Variants in FYN observed in about 807,000 individuals in gnomAD.
The protein encoded by FYN is tyrosine-protein kinase Fyn.
A neutral mutation model predicts 70.2 loss-of-function variants in FYN; 10 were observed. That is an observed-to-expected ratio of 0.14 (90% CI 0.09 to 0.24). The LOEUF (loss-of-function observed/expected upper bound fraction) is 0.24, where lower values mean the gene tolerates loss of function less well. FYN is among the 10% of genes least tolerant of loss of function. The pLI is 1.00. For synonymous variants in FYN, 236 were observed against 248.6 expected (o/e 0.95, Z 0.48); for missense variants, 319 against 673.1 (o/e 0.47, Z 5.82).
intron 12 of FYN, among the ~76,000 whole-genome samples, chr6:111,688,032 CA>C (rs1294624188): frequency 6.6e-6 from 1 of 151,894 alleles, no homozygotes; most frequent in Non-Finnish European, 1.5e-5. Flanking sequence ...AAAAAAAACC[CA>C]AAAAACAAAA....
At chr6:111,812,838 C>T (rs1165635879) in intron 2 of FYN, among the ~76,000 whole-genome samples, 5 of 151,808 alleles carry the variant, frequency 3.3e-5, no homozygotes, top group African/African-American at 1.2e-4. Context: ...TGAGAATTGA[C>T]TAATATCTAA....
intron 1 of FYN, among the ~76,000 whole-genome samples, chr6:111,862,003 T>C (rs973450882): frequency 4.6e-5 from 7 of 152,170 alleles, no homozygotes; most frequent in African/African-American, 1.7e-4. Flanking sequence ...ACAGCCAAAA[T>C]TGGGCTATAC....
At chr6:111,822,601 C>T (rs1772703316) in intron 2 of FYN, among the ~76,000 whole-genome samples, 1 of 151,082 alleles carries the variant, frequency 6.6e-6, no homozygotes, top group Admixed American at 6.6e-5. Context: ...GCACGTTGTG[C>T]ACATGTACCC....
chr6:111,712,564 C>T (rs893619148), intron 5 of FYN, among the ~76,000 whole-genome samples: 3 of 152,198 alleles, frequency 2.0e-5, no homozygotes, highest in Non-Finnish European at 4.4e-5. Flanking sequence ...CTGCCACCTG[C>T]CAGCTCTGTG....
chr6:111,686,708 C>T (rs754434365), intron 12 of FYN, among the ~76,000 whole-genome samples: 3 of 151,924 alleles, frequency 2.0e-5, no homozygotes, highest in Non-Finnish European at 4.4e-5. Flanking sequence ...GCACACTGTG[C>T]GGGAATGGCA....
At chr6:111,663,668 G>C (rs1797870058) in intron 13 of FYN, among the ~76,000 whole-genome samples, 1 of 152,182 alleles carries the variant, frequency 6.6e-6, no homozygotes, top group Admixed American at 6.5e-5. Context: ...TCACGTGTCA[G>C]GGCGACCCCT....
intron 4 of FYN, 51 bp downstream of exon 4, chr6:111,719,754 G>A (rs1355848454): frequency 6.3e-7 from 1 of 1,587,060 alleles, no homozygotes; most frequent in Non-Finnish European, 8.6e-7. Context: ...ATTGCCAAAA[G>A]ATTTAAGGGT....
intron 3 of FYN, among the ~76,000 whole-genome samples, chr6:111,725,197 C>T (rs1801139651): frequency 6.6e-6 from 1 of 152,168 alleles, no homozygotes; most frequent in Non-Finnish European, 1.5e-5. Context: ...TTGCTACATT[C>T]TCAGTGGAGA....
At chr6:111,775,930 C>T (rs1320014508) in intron 3 of FYN, among the ~76,000 whole-genome samples, 3 of 152,172 alleles carry the variant, frequency 2.0e-5, no homozygotes, top group African/African-American at 4.8e-5. Context: ...TTATGGCCTT[C>T]ATGACTCAGA....
At chr6:111,705,206 T>C (rs1031549530) in intron 6 of FYN, among the ~76,000 whole-genome samples, 4 of 152,182 alleles carry the variant, frequency 2.6e-5, no homozygotes, top group Non-Finnish European at 5.9e-5. Context: ...ATAGATATGA[T>C]ATGAATAAAG....
At chr6:111,728,504 C>T (rs1022572069) in intron 3 of FYN, among the ~76,000 whole-genome samples, 1 of 152,166 alleles carries the variant, frequency 6.6e-6, no homozygotes, top group Non-Finnish European at 1.5e-5. Context: ...TCGCTACCCA[C>T]TCCCTTCTCT....
rs189438304 is a variant in FYN at position 111,856,512 on chromosome 6, C to T, written c.-122-9883G>A. On this transcript the variant is annotated intron_variant, in intron 1 of 13. Transcript: ENST00000354650. ...TTACTTATGTTATTATTTTATAAAA[C>T]TCAGATAATATAAGATTTTTTAAAT... 9.1e-4 allele frequency among the ~76,000 whole-genome samples: 138 copies of T among 152,076 alleles called. 1 individual carries two copies. The highest frequency in any genetic ancestry group is 2.9e-3 in the African/African-American group (122 of 41,488).
At position 111,756,360 on chromosome 6, in the gene FYN, A is replaced by C. The variant is rs1802733828; in HGVS notation, c.-12+24206T>G. 2.0e-5 allele frequency among the ~76,000 whole-genome samples: 3 copies of C among 152,010 alleles called. No individual in the cohort carries two copies. The South Asian group carries it at 6.2e-4, about 31-fold the overall frequency. ...TAAAAAGCTTCTCATCCTTCCACCC[A>C]AAAAAATCCAAAAACCAATAAACAC... On this transcript the variant is annotated intron_variant, in intron 3 of 13. Transcript: ENST00000354650.
chr6:111,823,950 T>A (rs1772755224), intron 2 of FYN, among the ~76,000 whole-genome samples: 1 of 152,242 alleles, frequency 6.6e-6, no homozygotes, highest in African/African-American at 2.4e-5. Context: ...ATGCTATTTT[T>A]AATCAGTTCG....
chr6:111,699,802 C>T, intron 9 of FYN: 1 of 891,530 alleles, frequency 1.1e-6, no homozygotes, highest in Non-Finnish European at 1.7e-6. Flanking sequence ...AAATGAAGAG[C>T]AAGATATTTT....
At chr6:111,788,410 T>C (rs1245063745) in intron 2 of FYN, among the ~76,000 whole-genome samples, 1 of 152,196 alleles carries the variant, frequency 6.6e-6, no homozygotes, top group Non-Finnish European at 1.5e-5. Context: ...CAATTCTTCC[T>C]CTAGCATGTA....
At chr6:111,770,421 T>C (rs1025028161) in intron 3 of FYN, among the ~76,000 whole-genome samples, 4 of 152,170 alleles carry the variant, frequency 2.6e-5, no homozygotes, top group Non-Finnish European at 5.9e-5. Flanking sequence ...TTGTTAAATG[T>C]GGCTGATGGT....
At chr6:111,769,059 T>C (rs1803339048) in intron 3 of FYN, among the ~76,000 whole-genome samples, 1 of 152,196 alleles carries the variant, frequency 6.6e-6, no homozygotes, top group African/African-American at 2.4e-5. Flanking sequence ...ACCCCACACC[T>C]GAAGTTTTTT....
At chr6:111,831,641 T>G (rs1773019841) in intron 2 of FYN, among the ~76,000 whole-genome samples, 1 of 152,216 alleles carries the variant, frequency 6.6e-6, no homozygotes, top group Admixed American at 6.5e-5. Flanking sequence ...ATGCTTATGT[T>G]ACTATAAATA....
Sources: gnomAD v4.1 joint callset for allele counts (sites outside exome capture counted in the v4.1 genomes callset) on GRCh38, gnomAD v4.1.1 for gene constraint, MANE v1.5 for transcripts, NCBI Gene and HGNC (gene_info 2026-07-23, HGNC 2026-07-21) for gene names.